The following MBNL3 variants were observed in gnomAD, a reference collection of about 807,000 sequenced individuals.
The protein encoded by MBNL3 is muscleblind-like protein 3.
Under a neutral mutation model 24.5 loss-of-function variants are expected in MBNL3, and 6 were observed. The ratio of observed to expected loss-of-function variants is 0.25; its 90% CI spans 0.13 to 0.48. The LOEUF (loss-of-function observed/expected upper bound fraction) is 0.48. MBNL3 is among the 20% of genes least tolerant of loss of function. The pLI is 0.99. For synonymous variants in MBNL3, 100 were observed against 101.7 expected (o/e 0.98, Z 0.10); for missense variants, 230 against 293.5 (o/e 0.78, Z 1.58).
intron 1 of MBNL3, among the ~76,000 whole-genome samples, chrX:132,460,971 C>A: frequency 9.0e-6 from 1 of 111,713 alleles, no homozygotes; most frequent in East Asian, 2.8e-4. Context: ...TTTGGTTTTG[C>A]ATTCTTGAGT....
At chrX:132,445,843 C>T (rs1033921044) in intron 1 of MBNL3, among the ~76,000 whole-genome samples, 8 of 111,179 alleles carry the variant, frequency 7.2e-5, no homozygotes, top group African/African-American at 1.6e-4. Context: ...ATGTGCGGAA[C>T]GTGCAGGTTT....
chrX:132,374,565 C>G lies in MBNL3; in HGVS notation c.*5101G>C, dbSNP rs762159608. ...TTTTCAAAGCCTTAGAAATAACTCT[C>G]TCTTACTAACTTTTCCACTATTATC... On this transcript the variant is annotated 3_prime_UTR_variant, in exon 9 of 9. Transcript: ENST00000370853. The G allele has an allele frequency of 2.7e-5, 3 of 111,049 alleles. No individual in the cohort carries two copies. The highest frequency in any genetic ancestry group is 5.7e-5 in the Non-Finnish European group (3 of 52,854). 9.2% of individuals were successfully genotyped at this position (111,049 alleles called of 1,213,427 possible).
chrX:132,464,652 C>T (rs768538021), intron 1 of MBNL3, among the ~76,000 whole-genome samples: 75 of 112,059 alleles, frequency 6.7e-4, no homozygotes, highest in African/African-American at 2.3e-3. Flanking sequence ...TGGAATGGTG[C>T]TGTATCAACT....
chrX:132,444,473 C>T (rs967383423), intron 1 of MBNL3, among the ~76,000 whole-genome samples: 3 of 110,936 alleles, frequency 2.7e-5, no homozygotes, highest in Admixed American at 9.6e-5. Context: ...GCAACAAGAT[C>T]GTATAAAAAT....
At chrX:132,397,414 TATCCAAG>T (rs1437338220) in intron 3 of MBNL3, among the ~76,000 whole-genome samples, 2 of 111,584 alleles carry the variant, frequency 1.8e-5, no homozygotes, top group African/African-American at 6.5e-5. Context: ...ACCTCAAAAA[TATCCAAG>T]ATCAATTACA....
intron 1 of MBNL3, among the ~76,000 whole-genome samples, chrX:132,471,049 G>A (rs915992966): frequency 3.6e-5 from 4 of 111,199 alleles, no homozygotes; most frequent in Non-Finnish European, 7.5e-5. Context: ...GTAAAAAGGA[G>A]ATAAATAAGA....
chrX:132,445,100 T>C (rs1469375217), intron 1 of MBNL3, among the ~76,000 whole-genome samples: 1 of 112,055 alleles, frequency 8.9e-6, no homozygotes, highest in African/African-American at 3.2e-5. Flanking sequence ...GGTCTTCCTT[T>C]AAATGCATTT....
chrX:132,477,627 C>A (rs749271363), intron 1 of MBNL3, among the ~76,000 whole-genome samples: 4 of 111,215 alleles, frequency 3.6e-5, no homozygotes, highest in Non-Finnish European at 7.5e-5. Context: ...ATTTTCCTCC[C>A]CCTGACAATT....
In MBNL3 at chrX:132,376,187, A is replaced by T; in HGVS notation, c.*3479T>A. 1 of 111,259 alleles carries T rather than the reference A, an allele frequency of 9.0e-6. No individual in the cohort carries two copies. Among genetic ancestry groups the T allele is most frequent in the Non-Finnish European group, 1.9e-5 (1 of 52,908 alleles). 9.2% of individuals were successfully genotyped at this position (111,259 alleles called of 1,213,427 possible). A position where few individuals can be genotyped will look rare whatever the true frequency, so the allele number is the denominator to read the frequency against. ...AGCATGTTCAAAAACGGATGAAAAAAATTGATGGAGTAGAGAGAAGATGAC... is the reference window on the plus strand; with the variant it reads ...AGCATGTTCAAAAACGGATGAAAAATATTGATGGAGTAGAGAGAAGATGAC... On this transcript the variant is annotated 3_prime_UTR_variant, in exon 9 of 9. Coordinates refer to ENST00000370853, the MANE Select transcript of MBNL3 (RefSeq NM_001386889.1).
At chrX:132,406,117 A>G (rs1941790099) in intron 3 of MBNL3, 111 bp downstream of exon 3, 11 of 883,404 alleles carry the variant, frequency 1.2e-5, no homozygotes, top group Non-Finnish European at 1.3e-5. Flanking sequence ...GTGTCAATGA[A>G]CATATTAGTT....
chrX:132,464,267 G>C (rs1946778125), intron 1 of MBNL3, among the ~76,000 whole-genome samples: 1 of 112,065 alleles, frequency 8.9e-6, no homozygotes, highest in Non-Finnish European at 1.9e-5. Context: ...TGAATCCTTG[G>C]TAAATTCAAA....
chrX:132,386,633 G>A lies in MBNL3; in HGVS notation c.922+28C>T, dbSNP rs200096061. ...ATACATTCACAACATCACCAAACTC[G>A]CTGCAGTGCCTAGAGCTGTGTTCTC... On this transcript the variant is annotated intron_variant, in intron 6 of 8. Transcript: ENST00000370853. 30 of 1,204,311 alleles carry A rather than the reference G, an allele frequency of 2.5e-5. No individual in the cohort carries two copies. The East Asian group carries it at 6.5e-4, about 26-fold the overall frequency.
At chrX:132,481,145 T>G (rs1177146420) in intron 1 of MBNL3, among the ~76,000 whole-genome samples, 1 of 112,203 alleles carries the variant, frequency 8.9e-6, no homozygotes, top group East Asian at 2.8e-4. Flanking sequence ...CAACCAGCAT[T>G]TCCTGTCATT....
At chrX:132,427,121 G>C (rs778050274) in intron 2 of MBNL3, among the ~76,000 whole-genome samples, 2 of 111,548 alleles carry the variant, frequency 1.8e-5, no homozygotes, top group Admixed American at 1.9e-4. Flanking sequence ...CAGCATTTTC[G>C]ATGTTTATGC....
intron 4 of MBNL3, among the ~76,000 whole-genome samples, chrX:132,391,596 A>G (rs1937184006): frequency 8.9e-6 from 1 of 112,483 alleles, no homozygotes; most frequent in African/African-American, 3.2e-5. Context: ...AAGAATAACA[A>G]TAGAAGAATG....
chrX:132,411,643 G>C (rs1942745517), intron 2 of MBNL3, among the ~76,000 whole-genome samples: 1 of 111,161 alleles, frequency 9.0e-6, no homozygotes, highest in African/African-American at 3.3e-5. Flanking sequence ...GATTTTCCTG[G>C]AACCGTCTCC....
chrX:132,390,264 AC>A (rs1208943946), intron 5 of MBNL3, among the ~76,000 whole-genome samples: 48 of 38,988 alleles, frequency 1.2e-3, no homozygotes, highest in South Asian at 3.5e-3. Flanking sequence ...AACAACAACA[AC>A]AAAAAAAAAA....
At chrX:132,471,797 C>A (rs1454192834) in intron 1 of MBNL3, among the ~76,000 whole-genome samples, 1 of 110,543 alleles carries the variant, frequency 9.0e-6, no homozygotes, top group African/African-American at 3.2e-5. Context: ...TGTGTACATG[C>A]TGCAGGGGGG....
At chrX:132,410,759 A>G (rs1437166199) in intron 2 of MBNL3, among the ~76,000 whole-genome samples, 1 of 112,487 alleles carries the variant, frequency 8.9e-6, no homozygotes, top group Non-Finnish European at 1.9e-5. Context: ...CAGTGATTTC[A>G]GAATTACAAA....
Sources: gnomAD v4.1 joint callset for allele counts (sites outside exome capture counted in the v4.1 genomes callset) on GRCh38, gnomAD v4.1.1 for gene constraint, MANE v1.5 for transcripts, NCBI Gene and HGNC (gene_info 2026-07-23, HGNC 2026-07-21) for gene names.